Variants in THSD7A observed in about 807,000 individuals in gnomAD.
THSD7A encodes the protein thrombospondin type 1 domain containing 7A.
Under a neutral mutation model 231.3 loss-of-function variants are expected in THSD7A, and 96 were observed. That is an observed-to-expected ratio of 0.41 (90% CI 0.35 to 0.49). The LOEUF (loss-of-function observed/expected upper bound fraction) is 0.49, where lower values mean the gene tolerates loss of function less well. Ranked by LOEUF, THSD7A falls within the 20% of genes least tolerant of loss-of-function variation. The pLI is 0.05. For synonymous variants in THSD7A, 940 were observed against 743.3 expected (o/e 1.26, Z -4.30); for missense variants, 2,290 against 2,070.2 (o/e 1.11, Z -2.06).
Position 11,796,033 on chromosome 7 carries a change from CATATATATATATATATATATATATATAT to C in THSD7A, c.190+35696_190+35723del, listed in dbSNP as rs6149988. 4.7e-4 allele frequency among the ~76,000 whole-genome samples: 51 copies of C among 107,490 alleles called. No homozygotes were observed. The East Asian group carries it at 5.4e-3, about 11-fold the overall frequency. 70.5% of individuals were successfully genotyped at this position (107,490 alleles called of 152,430 possible). On this transcript the variant is annotated intron_variant, in intron 1 of 27. Coordinates refer to ENST00000423059, the MANE Select transcript of THSD7A (RefSeq NM_015204.3). ...GGTACTTCTTTGAAATTAAATTAGC[CATATATATATATATATATATATATATAT>C]ATATATATATATATATTTGGATCAG... is the stretch of plus-strand genomic sequence containing the variant.
intron 11 of THSD7A, among the ~76,000 whole-genome samples, chr7:11,459,863 T>C (rs1267836862): frequency 6.6e-6 from 1 of 152,000 alleles, no homozygotes; most frequent in Non-Finnish European, 1.5e-5. Context: ...AAAATACGTT[T>C]TTTATAAATT....
At chr7:11,487,792 A>C (rs916262276) in intron 6 of THSD7A, among the ~76,000 whole-genome samples, 1 of 152,090 alleles carries the variant, frequency 6.6e-6, no homozygotes, top group Non-Finnish European at 1.5e-5. Flanking sequence ...GGAGACCGAC[A>C]CCATTATTTA....
At chr7:11,447,879 A>G (rs898216070) in intron 11 of THSD7A, among the ~76,000 whole-genome samples, 2 of 152,256 alleles carry the variant, frequency 1.3e-5, no homozygotes, top group Non-Finnish European at 2.9e-5. Flanking sequence ...GAATTCCTTT[A>G]TAGAAGTGTT....
intron 1 of THSD7A, among the ~76,000 whole-genome samples, chr7:11,748,776 A>T (rs536049447): frequency 6.6e-6 from 1 of 151,996 alleles, no homozygotes; most frequent in Non-Finnish European, 1.5e-5. Flanking sequence ...TATAAAATGA[A>T]ATAGGGCAAT....
chr7:11,455,614 C>G (rs1044062027), intron 11 of THSD7A, among the ~76,000 whole-genome samples: 1 of 151,908 alleles, frequency 6.6e-6, no homozygotes, highest in Non-Finnish European at 1.5e-5. Context: ...TTTTAAAGTA[C>G]TTTGTGTTCT....
At chr7:11,386,110 C>T (rs981034315) in intron 23 of THSD7A, among the ~76,000 whole-genome samples, 1 of 152,184 alleles carries the variant, frequency 6.6e-6, no homozygotes, top group Non-Finnish European at 1.5e-5. Flanking sequence ...TTTACCTAGT[C>T]TATCATTGAT....
At chr7:11,790,737 G>A (rs919644501) in intron 1 of THSD7A, among the ~76,000 whole-genome samples, 3 of 151,850 alleles carry the variant, frequency 2.0e-5, no homozygotes, top group African/African-American at 7.2e-5. Context: ...GTACATCTAT[G>A]TAAATGCCAC....
intron 9 of THSD7A, among the ~76,000 whole-genome samples, chr7:11,462,840 CTT>C (rs1461501159): frequency 1.3e-5 from 2 of 152,070 alleles, no homozygotes; most frequent in African/African-American, 4.8e-5. Flanking sequence ...TTAAGATACA[CTT>C]TCAATAAAGA....
At position 11,417,436 on chromosome 7, in the gene THSD7A, G is replaced by A. The variant is rs1275642522; in HGVS notation, c.3537+14C>T. On this transcript the variant is annotated intron_variant, in intron 17 of 27. Transcript: ENST00000423059. The stretch of plus-strand genomic sequence containing the variant: ...AAATAAACTCTACATTAATAAAAAG[G>A]TTAATCATCTCACCAAAACACATTG... The A allele has an allele frequency of 6.4e-7, 1 of 1,568,170 alleles. No homozygotes were observed. The highest frequency in any genetic ancestry group is 8.6e-7 in the Non-Finnish European group (1 of 1,164,304).
intron 1 of THSD7A, among the ~76,000 whole-genome samples, chr7:11,694,298 G>C (rs1780322360): frequency 6.6e-6 from 1 of 151,494 alleles, no homozygotes; most frequent in Admixed American, 6.6e-5. Context: ...TAGCCCAACT[G>C]TATGTTTTTC....
chr7:11,682,569 A>G (rs925622993), intron 1 of THSD7A, among the ~76,000 whole-genome samples: 8 of 152,154 alleles, frequency 5.3e-5, no homozygotes, highest in African/African-American at 1.9e-4. Context: ...TATCTTAAGT[A>G]TATAGAAACA....
chr7:11,513,023 T>G (rs553812330), intron 6 of THSD7A, among the ~76,000 whole-genome samples: 2 of 146,902 alleles, frequency 1.4e-5, no homozygotes, highest in African/African-American at 5.1e-5. Flanking sequence ...CTGGATGAGA[T>G]TGGAGACTAT....
At chr7:11,615,449 T>C (rs1345293248) in intron 2 of THSD7A, among the ~76,000 whole-genome samples, 1 of 152,178 alleles carries the variant, frequency 6.6e-6, no homozygotes, top group Non-Finnish European at 1.5e-5. Context: ...CCCCCAGGAA[T>C]TCTGCACTCT....
chr7:11,650,140 G>C (rs1782436304), intron 1 of THSD7A, among the ~76,000 whole-genome samples: 1 of 152,060 alleles, frequency 6.6e-6, no homozygotes, highest in African/African-American at 2.4e-5. Context: ...ATTTCTTCTA[G>C]TTTAGATACA....
chr7:11,585,043 C>CAA (rs2128338922), intron 4 of THSD7A, among the ~76,000 whole-genome samples: 1 of 152,288 alleles, frequency 6.6e-6, no homozygotes, highest in Non-Finnish European at 1.5e-5. Flanking sequence ...CCTACCAAGT[C>CAA]AAAGGTACAA....
At chr7:11,610,712 A>C (rs1780894313) in intron 2 of THSD7A, among the ~76,000 whole-genome samples, 1 of 152,172 alleles carries the variant, frequency 6.6e-6, no homozygotes, top group Non-Finnish European at 1.5e-5. Context: ...AAAGAAACTC[A>C]GAAATAGGTC....
chr7:11,597,039 A>G (rs1780387506), intron 2 of THSD7A, among the ~76,000 whole-genome samples: 1 of 152,260 alleles, frequency 6.6e-6, no homozygotes, highest in Non-Finnish European at 1.5e-5. Context: ...TCCACAAAGT[A>G]TCACACTGGT....
chr7:11,716,945 T>C (rs900342516), intron 1 of THSD7A, among the ~76,000 whole-genome samples: 1 of 151,592 alleles, frequency 6.6e-6, no homozygotes, highest in Non-Finnish European at 1.5e-5. Flanking sequence ...ATACCCTTTA[T>C]GAAATAGAAC....
chr7:11,558,606 G>T (rs1789946057), intron 4 of THSD7A, among the ~76,000 whole-genome samples: 1 of 152,034 alleles, frequency 6.6e-6, no homozygotes, highest in Non-Finnish European at 1.5e-5. Flanking sequence ...TACTATACTA[G>T]ACCATAATTA....
Sources: allele counts gnomAD v4.1 joint callset (sites outside exome capture counted in the v4.1 genomes callset), GRCh38; gene constraint gnomAD v4.1.1; transcripts MANE v1.5; gene names NCBI Gene and HGNC (gene_info 2026-07-23, HGNC 2026-07-21).